Variants in GANC observed in about 807,000 individuals in gnomAD.
GANC encodes the protein neutral alpha-glucosidase C.
Under a neutral mutation model 124.2 loss-of-function variants are expected in GANC, and 117 were observed. The observed-to-expected ratio is 0.94, with a 90% CI of 0.81 to 1.10. GANC has a LOEUF of 1.10. Ranked by LOEUF, GANC falls within the 50% of genes least tolerant of loss-of-function variation. The pLI, the probability that GANC is intolerant of heterozygous loss-of-function variation, is 0.00. For synonymous variants in GANC, 377 were observed against 376.8 expected (o/e 1.00, Z -0.01); for missense variants, 1,140 against 1,095.0 (o/e 1.04, Z -0.58).
chr15:42,341,296 G>A (rs1227944472), intron 18 of GANC, among the ~76,000 whole-genome samples: 2 of 151,914 alleles, frequency 1.3e-5, no homozygotes, highest in Admixed American at 6.6e-5. Flanking sequence ...TGTGGATGTC[G>A]TTTAGGATTC....
Position 42,273,472 on chromosome 15 carries a change from T to C in GANC, c.-1010T>C. The C allele has an allele frequency of 1.3e-6, 2 of 1,592,658 alleles. No homozygotes were observed. The highest frequency in any genetic ancestry group is 1.7e-6 in the Non-Finnish European group (2 of 1,170,704). On this transcript the variant is annotated 5_prime_UTR_variant, in exon 1 of 24. Transcript: ENST00000318010. ...TCGTCCCGCCTTCTTCCGGCTCTGC[T>C]CTAAGGGCGGGATTATCCGGGTCCT...
chr15:42,344,811 T>G (rs2052351686), intron 19 of GANC: 1 of 152,208 alleles, frequency 6.6e-6, no homozygotes, highest in African/African-American at 2.4e-5. Flanking sequence ...CTCAAGTTGA[T>G]TCCAGCAAAG....
intron 8 of GANC, among the ~76,000 whole-genome samples, chr15:42,309,375 G>A (rs1275277958): frequency 6.6e-6 from 1 of 151,102 alleles, no homozygotes; most frequent in Non-Finnish European, 1.5e-5. Context: ...GCTGGAGTGC[G>A]GTGGCGTGAT....
intron 10 of GANC, among the ~76,000 whole-genome samples, chr15:42,315,702 A>AT (rs1595775684): frequency 6.6e-6 from 1 of 152,308 alleles, no homozygotes; most frequent in East Asian, 1.9e-4. Flanking sequence ...CTGTGAAAGT[A>AT]TTTTTTAATG....
intron 5 of GANC, among the ~76,000 whole-genome samples, chr15:42,296,574 G>A (rs2051893950): frequency 6.6e-6 from 1 of 152,042 alleles, no homozygotes; most frequent in Non-Finnish European, 1.5e-5. Context: ...TGTATTTTTA[G>A]TAGAGACAGG....
intron 12 of GANC, among the ~76,000 whole-genome samples, chr15:42,326,873 T>C (rs1189046663): frequency 6.6e-6 from 1 of 152,196 alleles, no homozygotes; most frequent in Non-Finnish European, 1.5e-5. Context: ...CAAAAGTTAT[T>C]AAAAGTTATT....
At chr15:42,294,277 A>T (rs1374048992) in intron 5 of GANC, among the ~76,000 whole-genome samples, 1 of 151,360 alleles carries the variant, frequency 6.6e-6, no homozygotes, top group African/African-American at 2.5e-5. Flanking sequence ...TCCATCGTTG[A>T]AAGTAATGTG....
intron 15 of GANC, among the ~76,000 whole-genome samples, chr15:42,333,174 G>A (rs1050763756): frequency 4.7e-5 from 7 of 149,878 alleles, no homozygotes; most frequent in Non-Finnish European, 1.0e-4. Context: ...CTAAAAATAC[G>A]AAAATGAGCC....
chr15:42,304,164 C>T (rs1392042585), intron 6 of GANC, among the ~76,000 whole-genome samples: 1 of 152,142 alleles, frequency 6.6e-6, no homozygotes, highest in Non-Finnish European at 1.5e-5. Flanking sequence ...TTTTTCAGAC[C>T]ACAGTGCAAT....
intron 5 of GANC, among the ~76,000 whole-genome samples, chr15:42,297,405 CT>C (rs2051901858): frequency 6.6e-6 from 1 of 152,120 alleles, no homozygotes; most frequent in Admixed American, 6.6e-5. Flanking sequence ...TCAAGTGACC[CT>C]CTAGCCTCAG....
At chr15:42,311,486 A>T (rs4924659) in intron 10 of GANC, among the ~76,000 whole-genome samples, 138,442 of 152,200 alleles carry the variant, frequency 0.91, 64,327 homozygotes, top group Non-Finnish European at 1. Context: ...CACACTGCTA[A>T]GAAGAAATAC....
chr15:42,280,737 A>G (rs2051723517), intron 3 of GANC, among the ~76,000 whole-genome samples: 1 of 152,186 alleles, frequency 6.6e-6, no homozygotes, highest in Admixed American at 6.5e-5. Flanking sequence ...GGTCATGAAG[A>G]CGTGCTGAGG....
intron 6 of GANC, among the ~76,000 whole-genome samples, chr15:42,300,872 G>T (rs1027925311): frequency 6.6e-6 from 1 of 152,052 alleles, no homozygotes; most frequent in Non-Finnish European, 1.5e-5. Context: ...TACAAAATTA[G>T]CTGGGCGTGG....
intron 14 of GANC, 48 bp from the exon 15 acceptor site, chr15:42,330,528 G>A: frequency 7.2e-7 from 1 of 1,380,380 alleles, no homozygotes; most frequent in Non-Finnish European, 1.0e-6. Context: ...GGGGATGTCT[G>A]TACAAATCCA....
chr15:42,275,373 CA>C (rs2051657289), intron 1 of GANC, among the ~76,000 whole-genome samples: 1 of 151,936 alleles, frequency 6.6e-6, no homozygotes, highest in South Asian at 2.1e-4. Context: ...GATCCTGTCT[CA>C]AAAAAAATTT....
intron 10 of GANC, among the ~76,000 whole-genome samples, chr15:42,311,994 G>A (rs1437386219): frequency 6.6e-6 from 1 of 152,156 alleles, no homozygotes; most frequent in African/African-American, 2.4e-5. Context: ...CTTGTACACT[G>A]AAAACTATAA....
chr15:42,346,840 T>C (rs1187319462), intron 20 of GANC, among the ~76,000 whole-genome samples: 1 of 152,168 alleles, frequency 6.6e-6, no homozygotes, highest in East Asian at 1.9e-4. Flanking sequence ...TTTCTACACC[T>C]GAATTACAAC....
At chr15:42,289,413 G>A (rs1391772336) in intron 4 of GANC, among the ~76,000 whole-genome samples, 2 of 152,158 alleles carry the variant, frequency 1.3e-5, no homozygotes, top group Admixed American at 1.3e-4. Flanking sequence ...AAGATAGAAG[G>A]TCAGTTGGCC....
At chr15:42,334,316 C>T (rs570004067) in intron 15 of GANC, among the ~76,000 whole-genome samples, 1 of 152,090 alleles carries the variant, frequency 6.6e-6, no homozygotes, top group South Asian at 2.1e-4. Context: ...TGCCCACCAC[C>T]ACACCTGGCT....
Sources: allele counts gnomAD v4.1 joint callset (sites outside exome capture counted in the v4.1 genomes callset), GRCh38; gene constraint gnomAD v4.1.1; transcripts MANE v1.5; gene names NCBI Gene and HGNC (gene_info 2026-07-23, HGNC 2026-07-21).